PIF1: variants seen among roughly 807,000 people sequenced by gnomAD.
The protein encoded by PIF1 is PIF1 5'-to-3' DNA helicase.
Under a neutral mutation model 62.3 loss-of-function variants are expected in PIF1, and 67 were observed. The ratio of observed to expected loss-of-function variants is 1.08; its 90% CI spans 0.88 to 1.32. The LOEUF is 1.32. Among genes scored for constraint, PIF1 ranks in the 40% most tolerant of loss-of-function variants. PIF1 has a pLI of 0.00. For synonymous variants in PIF1, 364 were observed against 379.5 expected (o/e 0.96, Z 0.47); for missense variants, 886 against 866.1 (o/e 1.02, Z -0.29).
At chr15:64,820,022 G>A (rs761761778) in intron 7 of PIF1, 36 bp from the exon 8 acceptor site, 10 of 1,599,372 alleles carry the variant, frequency 6.3e-6, no homozygotes, top group Non-Finnish European at 8.5e-6. Context: ...GAGCCCACCT[G>A]TGCAGCAGGG....
At chr15:64,824,430 C>T in intron 1 of PIF1, 76 bp from the exon 2 acceptor site, 1 of 1,029,208 alleles carries the variant, frequency 9.7e-7, no homozygotes, top group Non-Finnish European at 1.2e-6. Flanking sequence ...GTAATGGGTG[C>T]TATAAAGGAC....
At chr15:64,816,933 G>T (rs940157309) in intron 11 of PIF1, among the ~76,000 whole-genome samples, 168 bp from the exon 12 acceptor site, 1 of 152,206 alleles carries the variant, frequency 6.6e-6, no homozygotes, top group African/African-American at 2.4e-5. Flanking sequence ...GAGTAGGAGG[G>T]GGACCGGGAG....
chr15:64,824,867 A>ATG (rs147410358), intron 1 of PIF1, among the ~76,000 whole-genome samples: 3 of 137,372 alleles, frequency 2.2e-5, no homozygotes, highest in African/African-American at 8.6e-5. Context: ...CATTATATAT[A>ATG]TGTGTGTGTG....
chr15:64,826,653 TATATATATATATAC>T (rs1216068178), upstream of PIF1, among the ~76,000 whole-genome samples: 27 of 37,886 alleles, frequency 7.1e-4, 1 homozygote, highest in Middle Eastern at 0.014. Flanking sequence ...TATATATATA[TATATATATATATAC>T]ACACACACAC....
Position 64,824,310 on chromosome 15 carries a change from G to A in PIF1, c.26C>T (p.Ala9Val). The A allele has an allele frequency of 7.9e-7, 1 of 1,258,198 alleles. No homozygotes were observed. The highest frequency in any genetic ancestry group is 3.1e-5 in the East Asian group (1 of 32,260). The allele number at this position is 1,258,198 out of a possible 1,614,324, so 77.9% of individuals were successfully genotyped here. ...CAGCTCCGAGTCCTCATATTCCCCT[G>A]CCGCCGCCTCTATGCCCGAGAGCAT... MLSGIEAAAGEYEDSELRC... is the reference protein window; with the variant it reads MLSGIEAAVGEYEDSELRC... The change falls in exon 2 of 13, where the codon GCA becomes GTA. Residue 9 changes from alanine (A) to valine (V), a missense_variant. Transcript: ENST00000559239.
At chr15:64,822,137 A>C in intron 4 of PIF1, 129 bp downstream of exon 4, 2 of 1,264,404 alleles carry the variant, frequency 1.6e-6, no homozygotes, top group African/African-American at 1.5e-5. Context: ...GGCCTCCTAA[A>C]GTTTTGGGAT....
In PIF1 at chr15:64,816,357, C is replaced by A. The variant is rs1191117433; in HGVS notation, c.1867G>T (p.Glu623Ter). Residue 623 changes from glutamate to a stop codon, truncating the protein, a stop_gained and splice_region_variant, in exon 13 of 13, where the codon GAG becomes TAG. Coordinates refer to ENST00000559239, the MANE Select transcript of PIF1 (RefSeq NM_001286496.2). LOFTEE classifies it high-confidence loss of function. ...TLRRGRSLSLESPDDDEAASD... is the reference protein window; with the variant it reads ...TLRRGRSLSL ...GCTGCCTCATCATCATCTGGGGACT[C>A]CTGGATCAGAGCCAGAGAAGCCCAG... 9 of 1,613,920 alleles carry A rather than the reference C, an allele frequency of 5.6e-6. No homozygotes were observed. Among genetic ancestry groups the A allele is most frequent in the Non-Finnish European group, 7.6e-6 (9 of 1,180,022 alleles).
intron 11 of PIF1, among the ~76,000 whole-genome samples, chr15:64,817,644 A>G (rs2084207617): frequency 6.6e-6 from 1 of 151,948 alleles, no homozygotes; most frequent in South Asian, 2.1e-4. Context: ...TGAGTGGATC[A>G]CCAGGTCAGG....
intron 7 of PIF1, among the ~76,000 whole-genome samples, chr15:64,820,534 C>T (rs1183939165): frequency 6.6e-6 from 1 of 152,182 alleles, no homozygotes; most frequent in African/African-American, 2.4e-5. Context: ...GTAGCTGGGA[C>T]TACAGGTGCG....
chr15:64,817,316 G>A (rs1437352758), intron 11 of PIF1, among the ~76,000 whole-genome samples: 1 of 152,072 alleles, frequency 6.6e-6, no homozygotes, highest in Non-Finnish European at 1.5e-5. Context: ...ACTTTGGGAG[G>A]CCGAGGCGGG....
chr15:64,824,893 GTA>G (rs774751867), intron 1 of PIF1, among the ~76,000 whole-genome samples: 29 of 130,760 alleles, frequency 2.2e-4, no homozygotes, highest in African/African-American at 3.3e-4. Context: ...GTATATATAT[GTA>G]TATATATATA....
intron 1 of PIF1, among the ~76,000 whole-genome samples, chr15:64,825,209 G>T (rs2082278123): frequency 6.6e-6 from 1 of 151,916 alleles, no homozygotes; most frequent in Non-Finnish European, 1.5e-5. Flanking sequence ...CAGGAGAATC[G>T]CCCGTGGGGA....
Position 64,823,805 on chromosome 15 carries a change from C to T in PIF1, c.531G>A (p.Glu177=), listed in dbSNP as rs1738619950. ...TGCTAGGCTCGGCCCCAGCCTGGGG[C>T]TCCACAGGCCGCTTCACCAGCGTAG... ...PDTTLVKRPV[E]PQAGAEPSTE... is the part of the protein sequence containing the mutation. Residue 177 remains glutamate (E), a synonymous_variant, in exon 2 of 13, where the codon GAG becomes GAA. Transcript: ENST00000559239. 1.5e-6 allele frequency: 2 copies of T among 1,345,426 alleles called. No individual in the cohort carries two copies. Among genetic ancestry groups the T allele is most frequent in the Non-Finnish European group, 1.9e-6 (2 of 1,038,876 alleles). The allele number at this position is 1,345,426 out of a possible 1,614,324, so 83.3% of individuals were successfully genotyped here. A position where few individuals can be genotyped will look rare whatever the true frequency, so the allele number is the denominator to read the frequency against.
In PIF1 at chr15:64,816,564, T is replaced by C. The variant is rs770490821; in HGVS notation, c.1866+10A>G. The C allele has an allele frequency of 5.6e-6, 9 of 1,611,892 alleles. No individual in the cohort carries two copies. The highest frequency in any genetic ancestry group is 7.6e-6 in the Non-Finnish European group (9 of 1,179,462). The stretch of plus-strand genomic sequence containing the variant: ...TGGCCACAGCCCACCACTGGATGAC[T>C]CCCTCTTACCAGACTGAGGCTCCTG... On this transcript the variant is annotated intron_variant, in intron 12 of 12. Transcript: ENST00000559239.
chr15:64,819,760 AGGACCCAGAGGCCCAGGTTGCCTG>A (rs2084256945), intron 8 of PIF1, 63 bp downstream of exon 8: 2 of 1,573,528 alleles, frequency 1.3e-6, no homozygotes, highest in African/African-American at 2.7e-5. Flanking sequence ...TTGGGGGCCT[AGGACCCAGAGGCCCAGGTTGCCTG>A]GGGGCTACAT....
chr15:64,823,488 A>T (rs1022674134), intron 2 of PIF1: 4 of 263,462 alleles, frequency 1.5e-5, no homozygotes, highest in African/African-American at 8.8e-5. Context: ...ACCTCAGGTG[A>T]TCCACTTTAG....
chr15:64,826,684 A>G (rs2084375774), upstream of PIF1, among the ~76,000 whole-genome samples: 1 of 124,154 alleles, frequency 8.1e-6, no homozygotes, highest in Non-Finnish European at 1.8e-5. Flanking sequence ...ACACACATAT[A>G]TACACACACA....
chr15:64,822,402 G>A lies in PIF1; in HGVS notation c.692-11C>T, dbSNP rs2084303399. 1.2e-6 allele frequency: 2 copies of A among 1,614,124 alleles called. No individual in the cohort carries two copies. Among genetic ancestry groups the A allele is most frequent in the Middle Eastern group, 1.6e-4 (1 of 6,062 alleles). ...ATGACTTCCCTGTTCCTGGACAGGG[G>A]CAAAGTTAGACAGGTCTCCCTGTTC... On this transcript the variant is annotated splice_polypyrimidine_tract_variant and intron_variant, in intron 3 of 12. Transcript: ENST00000559239.
intron 1 of PIF1, among the ~76,000 whole-genome samples, 198 bp downstream of exon 1, chr15:64,825,371 C>T (rs550772660): frequency 2.0e-5 from 3 of 152,182 alleles, no homozygotes; most frequent in African/African-American, 7.2e-5. Context: ...TAAGCCACAG[C>T]GGCTAGTAGT....
Sources: allele counts gnomAD v4.1 joint callset (sites outside exome capture counted in the v4.1 genomes callset), GRCh38; gene constraint gnomAD v4.1.1; transcripts MANE v1.5; gene names NCBI Gene and HGNC (gene_info 2026-07-23, HGNC 2026-07-21).